Variants in SDR16C5 observed in about 807,000 individuals in gnomAD.
SDR16C5 encodes the protein short chain dehydrogenase/reductase family 16C member 5, also known as epidermal retinol dehydrogenase 2.
SDR16C5 carries 20 observed loss-of-function variants against 27.7 expected under a neutral mutation model. The observed-to-expected ratio is 0.72, with a 90% CI of 0.51 to 1.05. The LOEUF (loss-of-function observed/expected upper bound fraction) is 1.05. Ranked by LOEUF, SDR16C5 falls within the 50% of genes least tolerant of loss-of-function variation. The pLI is 0.00. For missense variants in SDR16C5, 374 were observed against 366.3 expected, an observed-to-expected ratio of 1.02 and a Z score of -0.17; for synonymous variants, 139 against 132.3, an observed-to-expected ratio of 1.05 and a Z score of -0.35.
At chr8:56,314,836 G>T (rs979740495) in intron 2 of SDR16C5, among the ~76,000 whole-genome samples, 1 of 152,194 alleles carries the variant, frequency 6.6e-6, no homozygotes, top group Non-Finnish European at 1.5e-5. Context: ...ATGTAGTCAG[G>T]CTGCTCACGG....
In SDR16C5 at chr8:56,302,422, C is replaced by A. The variant is rs946558676; in HGVS notation, c.837-849G>T. Among the ~76,000 whole-genome samples, 4 of 152,302 alleles carry A rather than the reference C, an allele frequency of 2.6e-5. No homozygotes were observed. The South Asian group carries it at 8.3e-4, about 32-fold the overall frequency. ...GGGCGCAGTGGCTCACGCCTGTAAT[C>A]CCAGCACTTTAGGAGGCTGAGGTGG... On this transcript the variant is annotated intron_variant, in intron 6 of 6. Coordinates refer to ENST00000303749, the MANE Select transcript of SDR16C5 (RefSeq NM_138969.4).
chr8:56,306,599 C>G lies in SDR16C5; in HGVS notation c.710+77G>C, dbSNP rs1054158215. ...TCCCAGAACAATATATTTTAAACAA[C>G]TTAAAAAAAAGAACAAAATAAAATA... On this transcript the variant is annotated intron_variant, in intron 5 of 6. Transcript: ENST00000303749. 3.0e-6 allele frequency: 4 copies of G among 1,318,632 alleles called. 1 individual carries two copies. In the African/African-American group the frequency reaches 6.0e-5, roughly 20 times the overall value. 81.7% of individuals were successfully genotyped at this position (1,318,632 alleles called of 1,614,324 possible).
intron 6 of SDR16C5, among the ~76,000 whole-genome samples, chr8:56,303,589 C>G (rs958140618): frequency 1.3e-5 from 2 of 152,160 alleles, no homozygotes; most frequent in African/African-American, 4.8e-5. Flanking sequence ...ACAAAGCACT[C>G]TCTGAATATT....
chr8:56,309,416 A>T, intron 3 of SDR16C5: 1 of 985,336 alleles, frequency 1.0e-6, no homozygotes, highest in African/African-American at 1.7e-5. Flanking sequence ...TGAGTTTCAA[A>T]TTTTCCCTGA....
intron 4 of SDR16C5, among the ~76,000 whole-genome samples, chr8:56,308,440 G>C (rs951175614): frequency 6.6e-6 from 1 of 152,174 alleles, no homozygotes; most frequent in Non-Finnish European, 1.5e-5. Context: ...TGTTGCAAGG[G>C]AGATGAAAAT....
intron 6 of SDR16C5, among the ~76,000 whole-genome samples, chr8:56,303,447 T>A (rs1351187913): frequency 1.3e-5 from 2 of 152,224 alleles, no homozygotes; most frequent in African/African-American, 2.4e-5. Context: ...TTTACCTTAC[T>A]TTTTTGTTTG....
intron 2 of SDR16C5, among the ~76,000 whole-genome samples, chr8:56,314,737 C>T (rs1436638387): frequency 6.6e-6 from 1 of 152,170 alleles, no homozygotes; most frequent in Non-Finnish European, 1.5e-5. Flanking sequence ...TAAAGACAAA[C>T]TTGAAAGTCA....
At chr8:56,315,115 C>T (rs921752709) in intron 2 of SDR16C5, among the ~76,000 whole-genome samples, 9 of 151,958 alleles carry the variant, frequency 5.9e-5, no homozygotes, top group Non-Finnish European at 1.3e-4. Flanking sequence ...CATGGTGGCA[C>T]AGGCCTGTAA....
Position 56,306,844 on chromosome 8 carries a change from C to T in SDR16C5, c.566-24G>A, listed in dbSNP as rs759545888. ...ATCTGAAAAAGACAAAGCATGATAACGTATATTCCAAAGTTTTAAAATGGC... is the reference window on the plus strand; with the variant it reads ...ATCTGAAAAAGACAAAGCATGATAATGTATATTCCAAAGTTTTAAAATGGC... On this transcript the variant is annotated intron_variant, in intron 4 of 6. Transcript: ENST00000303749. 41 of 1,596,140 alleles carry T rather than the reference C, an allele frequency of 2.6e-5. No homozygotes were observed. In the African/African-American group the frequency reaches 3.9e-4, roughly 15 times the overall value.
At chr8:56,308,131 GAGCT>G (rs1432144824) in intron 4 of SDR16C5, among the ~76,000 whole-genome samples, 1 of 152,200 alleles carries the variant, frequency 6.6e-6, no homozygotes, top group Non-Finnish European at 1.5e-5. Flanking sequence ...TAGATATACT[GAGCT>G]AAGACTGGTT....
At chr8:56,313,118 C>G (rs559170954) in intron 2 of SDR16C5, among the ~76,000 whole-genome samples, 1 of 152,174 alleles carries the variant, frequency 6.6e-6, no homozygotes, top group Non-Finnish European at 1.5e-5. Flanking sequence ...TTTTTCTCTT[C>G]TTAAAATGAG....
chr8:56,307,632 C>G (rs1039785278), intron 4 of SDR16C5, among the ~76,000 whole-genome samples: 3 of 152,198 alleles, frequency 2.0e-5, no homozygotes, highest in Non-Finnish European at 2.9e-5. Context: ...CTAGTGCTGT[C>G]CAGACAGTGG....
intron 2 of SDR16C5, among the ~76,000 whole-genome samples, chr8:56,312,777 GT>G (rs35869830): frequency 0.37 from 49,578 of 134,000 alleles, 8,386 homozygotes; most frequent in African/African-American, 0.39. Flanking sequence ...CACACACCAA[GT>G]TTTTTTTTTT....
intron 3 of SDR16C5, among the ~76,000 whole-genome samples, chr8:56,310,577 G>T (rs568335163): frequency 5.3e-5 from 8 of 152,180 alleles, no homozygotes; most frequent in African/African-American, 1.9e-4. Context: ...AATTAGCTGG[G>T]TGTGGTGGCG....
At chr8:56,307,645 C>G (rs2129258146) in intron 4 of SDR16C5, among the ~76,000 whole-genome samples, 1 of 152,300 alleles carries the variant, frequency 6.6e-6, no homozygotes, top group Non-Finnish European at 1.5e-5. Context: ...GACAGTGGGT[C>G]AGAGGCTAGA....
rs531518131 is a variant in SDR16C5, at chr8:56,316,459, C to A, written c.-14-98G>T. ...CTATTTTCTGAAACAGTGAAAGTAACTGAGATATGTGATTTAAACAGCTCT... is the reference window on the plus strand; with the variant it reads ...CTATTTTCTGAAACAGTGAAAGTAAATGAGATATGTGATTTAAACAGCTCT... On this transcript the variant is annotated intron_variant, in intron 1 of 6. Coordinates refer to ENST00000303749, the MANE Select transcript of SDR16C5 (RefSeq NM_138969.4). 2.7e-5 allele frequency: 20 copies of A among 736,610 alleles called. No homozygotes were observed. The Admixed American group carries it at 4.4e-4, about 16-fold the overall frequency. The allele number at this position is 736,610 out of a possible 1,614,324, so 45.6% of individuals were successfully genotyped here.
Position 56,306,670 on chromosome 8 carries a change from A to C in SDR16C5, c.710+6T>G, listed in dbSNP as rs1814890339. On this transcript the variant is annotated splice_donor_region_variant and intron_variant, in intron 5 of 6. Transcript: ENST00000303749. ...TAGATTCTTTGAAATTAAAGGACAT[A>C]CTTACCCTGTAGTACAACCTTCAAA... The C allele has an allele frequency of 6.3e-7, 1 of 1,597,484 alleles. No individual in the cohort carries two copies. Among genetic ancestry groups the C allele is most frequent in the Non-Finnish European group, 8.5e-7 (1 of 1,174,056 alleles).
chr8:56,313,963 C>A (rs543572950), intron 2 of SDR16C5, among the ~76,000 whole-genome samples: 4 of 152,156 alleles, frequency 2.6e-5, no homozygotes, highest in Admixed American at 2.0e-4. Flanking sequence ...AATCCCAGCA[C>A]TTTGGGAGGC....
rs146565237 is a variant in SDR16C5 at position 56,315,164 on chromosome 8, G to A, written c.333+851C>T. Among the ~76,000 whole-genome samples, 332 of 151,262 alleles carry A rather than the reference G, an allele frequency of 2.2e-3. 1 individual carries two copies. Among genetic ancestry groups the A allele is most frequent in the African/African-American group, 8.0e-3 (328 of 41,250 alleles). ...GGGGGCTGAGGCAAGAGAATCGCTC[G>A]AACCCAGGAGACAGAGGTTGTGGTG... is the stretch of plus-strand genomic sequence containing the variant. On this transcript the variant is annotated intron_variant, in intron 2 of 6. Transcript: ENST00000303749.
Sources: allele counts gnomAD v4.1 joint callset (sites outside exome capture counted in the v4.1 genomes callset), GRCh38; gene constraint gnomAD v4.1.1; transcripts MANE v1.5; gene names NCBI Gene and HGNC (gene_info 2026-07-23, HGNC 2026-07-21).